Variants in JMJD1C observed in about 807,000 individuals in gnomAD.
JMJD1C encodes jumonji domain-containing protein 1C.
In JMJD1C, 31 loss-of-function variants were observed where a neutral mutation model predicts 245.3. The ratio of observed to expected loss-of-function variants is 0.13; its 90% CI spans 0.09 to 0.17. The LOEUF is 0.17. Among genes scored for constraint, JMJD1C ranks in the 10% least tolerant of loss-of-function variants. The pLI, the probability that JMJD1C is intolerant of heterozygous loss-of-function variation, is 1.00. For synonymous variants in JMJD1C, 1,057 were observed against 1,017.4 expected, an observed-to-expected ratio of 1.04 and a Z score of -0.74; for missense variants, 2,691 against 3,000.2, an observed-to-expected ratio of 0.90 and a Z score of 2.41.
At chr10:63,464,501 A>G (rs1322087670) in intron 1 of JMJD1C, among the ~76,000 whole-genome samples, 1 of 152,242 alleles carries the variant, frequency 6.6e-6, no homozygotes, top group African/African-American at 2.4e-5. Flanking sequence ...GGCATTACAA[A>G]TAAATTTCAC....
intron 1 of JMJD1C, among the ~76,000 whole-genome samples, chr10:63,418,920 T>G (rs1307060048): frequency 8.1e-5 from 12 of 148,510 alleles, no homozygotes; most frequent in Admixed American, 8.0e-4. Context: ...GTACCAAAAA[T>G]ACAAAAATTA....
At chr10:63,392,800 G>C (rs1290841493) in intron 1 of JMJD1C, among the ~76,000 whole-genome samples, 1 of 143,476 alleles carries the variant, frequency 7.0e-6, no homozygotes, top group Non-Finnish European at 1.5e-5. Context: ...CCTCTAGCCT[G>C]GTGACAGAGC....
At chr10:63,375,288 G>A (rs910201886) in intron 2 of JMJD1C, among the ~76,000 whole-genome samples, 2 of 147,338 alleles carry the variant, frequency 1.4e-5, no homozygotes, top group Admixed American at 7.0e-5. Context: ...CTGGGCTCAA[G>A]GGATCCTCCC....
intron 1 of JMJD1C, among the ~76,000 whole-genome samples, chr10:63,451,029 T>A (rs1008932639): frequency 1.3e-5 from 2 of 151,588 alleles, no homozygotes; most frequent in Non-Finnish European, 2.9e-5. Flanking sequence ...ATGGACAATC[T>A]GAAAAGGAAA....
rs1162455756 is a variant in JMJD1C at position 63,193,058 on chromosome 10, C to T, written c.5956G>A (p.Gly1986Ser). The change falls in exon 16 of 26, where the codon GGT becomes AGT. Residue 1986 changes from glycine to serine, a missense_variant. Gly to Ser is a moderately conservative substitution (Grantham distance 56). Coordinates refer to ENST00000399262, the MANE Select transcript of JMJD1C (RefSeq NM_032776.3). Reference sequence around the variant, plus strand: ...ACATCACTCTCTGGGCTGCTGCCACCATTTTTCTCAGACTTCGGAGGAGTA... The same window carrying T: ...ACATCACTCTCTGGGCTGCTGCCACTATTTTTCTCAGACTTCGGAGGAGTA... ...QNTPPKSEKN[G>S]GSSPESDVGT... is the part of the protein sequence containing the mutation. 3 of 1,614,166 alleles carry T rather than the reference C, an allele frequency of 1.9e-6. No homozygotes were observed. The highest frequency in any genetic ancestry group is 2.7e-5 in the African/African-American group (2 of 75,062).
intron 2 of JMJD1C, among the ~76,000 whole-genome samples, chr10:63,279,582 C>T (rs1326774751): frequency 6.6e-6 from 1 of 152,116 alleles, no homozygotes; most frequent in African/African-American, 2.4e-5. Flanking sequence ...TGCTTTGAGA[C>T]AGTGAGACCA....
chr10:63,274,605 T>A (rs189241047), intron 2 of JMJD1C, among the ~76,000 whole-genome samples: 120 of 152,190 alleles, frequency 7.9e-4, no homozygotes, highest in Admixed American at 3.9e-3. Flanking sequence ...AATAACTCCA[T>A]GCAGATCTTC....
At chr10:63,260,925 A>G (rs545347838) in intron 3 of JMJD1C, among the ~76,000 whole-genome samples, 32 of 152,198 alleles carry the variant, frequency 2.1e-4, no homozygotes. Context: ...TTTAAGAAGC[A>G]ATAATTTATT....
At chr10:63,491,929 A>C (rs537497060) in intron 1 of JMJD1C, among the ~76,000 whole-genome samples, 2 of 152,386 alleles carry the variant, frequency 1.3e-5, no homozygotes, top group African/African-American at 4.8e-5. Flanking sequence ...AACAGAATTC[A>C]TTCTAAACTA....
At chr10:63,172,824 AG>A (rs1434551208) in intron 24 of JMJD1C, among the ~76,000 whole-genome samples, 4 of 149,566 alleles carry the variant, frequency 2.7e-5, no homozygotes, top group South Asian at 2.2e-4. Context: ...ACCCTGGGGG[AG>A]GGGGGAAACA....
intron 1 of JMJD1C, among the ~76,000 whole-genome samples, chr10:63,482,970 T>C (rs1009200570): frequency 6.6e-6 from 1 of 152,214 alleles, no homozygotes; most frequent in Non-Finnish European, 1.5e-5. Flanking sequence ...CTGTAATTAC[T>C]ATGTATGGTT....
chr10:63,279,776 T>C (rs968052928), intron 2 of JMJD1C, among the ~76,000 whole-genome samples: 1 of 152,210 alleles, frequency 6.6e-6, no homozygotes, highest in Non-Finnish European at 1.5e-5. Flanking sequence ...AATTAATTTA[T>C]GTGAAAGAAT....
At chr10:63,211,920 C>A (rs750067522) in intron 8 of JMJD1C, among the ~76,000 whole-genome samples, 8 of 150,890 alleles carry the variant, frequency 5.3e-5, no homozygotes, top group Non-Finnish European at 1.0e-4. Flanking sequence ...GTGAAAGCAA[C>A]CCAAATGTCC....
intron 2 of JMJD1C, chr10:63,301,689 G>A (rs918073061): frequency 9.0e-6 from 4 of 443,308 alleles, no homozygotes; most frequent in Non-Finnish European, 1.4e-5. Flanking sequence ...AGAGCATTAG[G>A]ACAAATACCT....
chr10:63,450,119 C>CA (rs1429481353), intron 1 of JMJD1C, among the ~76,000 whole-genome samples: 2 of 149,878 alleles, frequency 1.3e-5, no homozygotes, highest in Non-Finnish European at 3.0e-5. Context: ...TCTCAAAAAA[C>CA]AAAAAACAAA....
At chr10:63,463,211 C>T (rs1952919744) in intron 1 of JMJD1C, among the ~76,000 whole-genome samples, 1 of 152,114 alleles carries the variant, frequency 6.6e-6, no homozygotes, top group Non-Finnish European at 1.5e-5. Flanking sequence ...GTCGCCCAGG[C>T]TAGAGTGCAG....
chr10:63,495,776 A>T (rs1280846289), intron 1 of JMJD1C, among the ~76,000 whole-genome samples: 1 of 151,740 alleles, frequency 6.6e-6, no homozygotes, highest in Non-Finnish European at 1.5e-5. Flanking sequence ...AAAGAAGAAG[A>T]AAATTGAGAA....
chr10:63,223,784 C>A (rs931387170), intron 3 of JMJD1C, among the ~76,000 whole-genome samples: 1 of 152,076 alleles, frequency 6.6e-6, no homozygotes, highest in African/African-American at 2.4e-5. Flanking sequence ...GATGGAGTCT[C>A]ACTCTGTCGC....
chr10:63,241,444 TA>T (rs1434226305), intron 3 of JMJD1C, among the ~76,000 whole-genome samples: 2 of 152,348 alleles, frequency 1.3e-5, no homozygotes, highest in East Asian at 3.9e-4. Flanking sequence ...TACATAGGTT[TA>T]AAATTATTTA....
Sources: gnomAD v4.1 joint callset for allele counts (sites outside exome capture counted in the v4.1 genomes callset) on GRCh38, gnomAD v4.1.1 for gene constraint, MANE v1.5 for transcripts, NCBI Gene and HGNC (gene_info 2026-07-23, HGNC 2026-07-21) for gene names.